The following PRKCZ variants were observed in gnomAD, a reference collection of about 807,000 sequenced individuals.
PRKCZ encodes the protein protein kinase C zeta type.
PRKCZ carries 33 observed loss-of-function variants against 79.5 expected under a neutral mutation model. The observed-to-expected ratio is 0.41, with a 90% confidence interval of 0.31 to 0.55. The LOEUF is 0.55. Among genes scored for constraint, PRKCZ ranks in the 20% least tolerant of loss-of-function variants. The pLI, the probability that PRKCZ is intolerant of heterozygous loss-of-function variation, is 0.19. For missense variants in PRKCZ, 578 were observed against 813.5 expected (o/e 0.71, Z 3.52); for synonymous variants, 342 against 320.9 (o/e 1.07, Z -0.70).
At chr1:2,136,544 C>G (rs1676238214) in intron 5 of PRKCZ, among the ~76,000 whole-genome samples, 1 of 152,040 alleles carries the variant, frequency 6.6e-6, no homozygotes, top group South Asian at 2.1e-4. Flanking sequence ...GAGAGTCCAG[C>G]CAGTGTCTGG....
At chr1:2,070,737 G>A (rs558151309) in intron 4 of PRKCZ, among the ~76,000 whole-genome samples, 55 of 150,934 alleles carry the variant, frequency 3.6e-4, no homozygotes, top group Middle Eastern at 6.8e-3. Context: ...GGGCCAGGGT[G>A]GGGCTGGCGG....
At position 2,082,449 on chromosome 1, in the gene PRKCZ, T is replaced by C. The variant is rs1314840722; in HGVS notation, c.334+22858T>C. On this transcript the variant is annotated intron_variant, in intron 4 of 17. Transcript: ENST00000378567. This position sits in a 1 kb window ranked among gnomAD's most constrained non-coding sequence, Gnocchi z 4.4. ...GAGAATTGAGTTTGCATGGAGACTG[T>C]AATTTCATTCTGTGAGTGTAAGATC... 3 of 455,812 alleles carry C rather than the reference T, an allele frequency of 6.6e-6. No homozygotes were observed. The highest frequency in any genetic ancestry group is 1.3e-5 in the Non-Finnish European group (3 of 226,784). 28.2% of individuals were successfully genotyped at this position (455,812 alleles called of 1,614,324 possible). A position where few individuals can be genotyped will look rare whatever the true frequency, so the allele number is the denominator to read the frequency against.
At chr1:2,175,920 T>A (rs192186227) in intron 16 of PRKCZ, among the ~76,000 whole-genome samples, 47 of 152,200 alleles carry the variant, frequency 3.1e-4, no homozygotes, top group African/African-American at 1.1e-3. Flanking sequence ...TCCACAGGGA[T>A]CTGATAGTGG....
chr1:2,171,724 T>G (rs1684470602), intron 11 of PRKCZ: 1 of 300,448 alleles, frequency 3.3e-6, no homozygotes, highest in Admixed American at 4.8e-5. Context: ...GGCGCTGTTC[T>G]GCACTCCTAC....
chr1:2,155,701 G>A (rs555134552), intron 9 of PRKCZ, among the ~76,000 whole-genome samples: 4 of 151,150 alleles, frequency 2.6e-5, no homozygotes, highest in East Asian at 1.9e-4. Flanking sequence ...CAATGATGAC[G>A]GTAATGGTGA....
At chr1:2,120,207 T>A (rs1407977751) in intron 4 of PRKCZ, among the ~76,000 whole-genome samples, 1 of 151,866 alleles carries the variant, frequency 6.6e-6, no homozygotes, top group African/African-American at 2.4e-5. Context: ...ATCGAGAATT[T>A]CTCCTAATTG....
chr1:2,112,353 G>A (rs7546523), intron 4 of PRKCZ, among the ~76,000 whole-genome samples: 35,349 of 152,106 alleles, frequency 0.23, 4,752 homozygotes, highest in Admixed American at 0.33. Flanking sequence ...CGAAGCAGCC[G>A]GCGAGGCGGC....
chr1:2,167,283 A>G (rs2103436327), intron 10 of PRKCZ, among the ~76,000 whole-genome samples: 1 of 152,358 alleles, frequency 6.6e-6, no homozygotes, highest in African/African-American at 2.4e-5. Context: ...CTACCTCTCT[A>G]AGTGTTTAAA....
chr1:2,179,735 C>T (rs1040649862), intron 16 of PRKCZ, among the ~76,000 whole-genome samples: 5 of 152,198 alleles, frequency 3.3e-5, no homozygotes, highest in South Asian at 2.1e-4. Flanking sequence ...CCTCCCACCC[C>T]GGGCCCAGGG....
Position 2,067,294 on chromosome 1 carries a change from C to T in PRKCZ, c.334+7703C>T, listed in dbSNP as rs760151396. 8.5e-5 allele frequency among the ~76,000 whole-genome samples: 13 copies of T among 152,272 alleles called. No homozygotes were observed. The Middle Eastern group carries it at 0.01, about 120-fold the overall frequency. ...GAGCTATGCGGGTTACTGTGTTGTT[C>T]AAGTTCTCTGTTTCTTTACGTGTTC... On this transcript the variant is annotated intron_variant, in intron 4 of 17. Transcript: ENST00000378567.
At chr1:2,136,184 C>T (rs753300219) in intron 5 of PRKCZ, among the ~76,000 whole-genome samples, 1 of 152,312 alleles carries the variant, frequency 6.6e-6, no homozygotes, top group East Asian at 1.9e-4. Flanking sequence ...GTCACCTGCC[C>T]CTCCTTCTAC....
chr1:2,148,472 A>G (rs1235341366), intron 7 of PRKCZ, among the ~76,000 whole-genome samples: 3 of 151,974 alleles, frequency 2.0e-5, no homozygotes, highest in African/African-American at 7.3e-5. Flanking sequence ...CCATCTATCC[A>G]TCCATTGTGC....
intron 9 of PRKCZ, among the ~76,000 whole-genome samples, chr1:2,151,652 A>G (rs1015761049): frequency 3.9e-5 from 6 of 152,148 alleles, no homozygotes; most frequent in African/African-American, 1.2e-4. Context: ...TATAGGATCA[A>G]TGGTTTATTT....
In PRKCZ at chr1:2,128,393, C is replaced by T. The variant is rs1207521378; in HGVS notation, c.335-6869C>T. 6.6e-6 allele frequency among the ~76,000 whole-genome samples: 1 copy of T among 152,252 alleles called. No individual in the cohort carries two copies. The highest frequency in any genetic ancestry group is 1.9e-4 in the East Asian group (1 of 5,198). On this transcript the variant is annotated intron_variant, in intron 4 of 17. Transcript: ENST00000378567. The surrounding 1 kb of genome is among the most constrained non-coding windows in gnomAD (Gnocchi z 6.5). The stretch of plus-strand genomic sequence containing the variant: ...CTCGGCCCCTCCCTCACCGCCACCG[C>T]ACCCAAGGGCTGTCGCCTGTCCCAG...
At chr1:2,135,423 C>CG (rs1675983992) in intron 5 of PRKCZ, 76 bp downstream of exon 5, 11 of 1,354,108 alleles carry the variant, frequency 8.1e-6, no homozygotes, top group Non-Finnish European at 1.1e-5. Context: ...GGAGGGGAGG[C>CG]ACGTCCCGCT....
In PRKCZ at chr1:2,135,350, G is replaced by A; in HGVS notation, c.420+3G>A. On this transcript the variant is annotated splice_donor_region_variant and intron_variant, in intron 5 of 17. Transcript: ENST00000378567. ...TCCAAGCCAAGCGCTTTAACAGGGT[G>A]AGTGGCCCCCTTGGGACTAGTCCCT... The A allele has an allele frequency of 1.2e-6, 2 of 1,608,684 alleles. No homozygotes were observed. Among genetic ancestry groups the A allele is most frequent in the Non-Finnish European group, 1.7e-6 (2 of 1,176,436 alleles).
intron 9 of PRKCZ, 91 bp from the exon 10 acceptor site, chr1:2,155,904 G>A (rs150287928): frequency 6.1e-4 from 682 of 1,109,362 alleles, no homozygotes; most frequent in Middle Eastern, 3.0e-3. Flanking sequence ...GAAAGCGGAG[G>A]AAAGAGACTC....
chr1:2,169,489 T>G (rs988775304), intron 10 of PRKCZ, 29 bp from the exon 11 acceptor site: 3 of 1,542,612 alleles, frequency 1.9e-6, no homozygotes, highest in South Asian at 2.4e-5. Context: ...CCGAGGTGAC[T>G]GCAGCCTCCG....
At chr1:2,071,505 C>CT in intron 4 of PRKCZ, 1 of 172,978 alleles carries the variant, frequency 5.8e-6, no homozygotes, top group South Asian at 8.8e-5. Context: ...ATAGGTATGT[C>CT]TATTGTTTTA....
Sources: allele counts gnomAD v4.1 joint callset (sites outside exome capture counted in the v4.1 genomes callset), GRCh38; gene constraint gnomAD v4.1.1; non-coding constraint Gnocchi (gnomAD v3.1); transcripts MANE v1.5; gene names NCBI Gene and HGNC (gene_info 2026-07-23, HGNC 2026-07-21).